The following NCR3LG1 variants were observed in gnomAD, a reference collection of about 807,000 sequenced individuals.
The protein encoded by NCR3LG1 is natural cytotoxicity triggering receptor 3 ligand 1.
NCR3LG1 carries 35 observed loss-of-function variants against 34.8 expected under a neutral mutation model. The ratio of observed to expected loss-of-function variants is 1.01; its 90% CI spans 0.77 to 1.33. NCR3LG1 has a LOEUF of 1.33. Among genes scored for constraint, NCR3LG1 ranks in the 40% most tolerant of loss-of-function variants. The pLI is 0.00. For synonymous variants in NCR3LG1, 173 were observed against 163.6 expected (o/e 1.06, Z -0.44); for missense variants, 452 against 423.3 (o/e 1.07, Z -0.60).
rs1186404645 is a variant in NCR3LG1, at chr11:17,376,337, A to G, written c.*3825A>G. The G allele has an allele frequency of 6.6e-6, 1 of 152,196 alleles. No individual in the cohort carries two copies. The highest frequency in any genetic ancestry group is 1.5e-5 in the Non-Finnish European group (1 of 68,014). The allele number at this position is 152,196 out of a possible 1,614,324, so 9.4% of individuals were successfully genotyped here. Reference sequence around the variant, plus strand: ...ACTTTGGGCTCCCTAAGTACTTCCAAAACAACAATGGTCCCTCATTTAAAG... The same window carrying G: ...ACTTTGGGCTCCCTAAGTACTTCCAGAACAACAATGGTCCCTCATTTAAAG... On this transcript the variant is annotated 3_prime_UTR_variant, in exon 5 of 5. Coordinates refer to ENST00000338965, the MANE Select transcript of NCR3LG1 (RefSeq NM_001202439.3).
At position 17,351,835 on chromosome 11, in the gene NCR3LG1, C is replaced by T; in HGVS notation, c.-135C>T. 5 of 711,448 alleles carry T rather than the reference C, an allele frequency of 7.0e-6. No individual in the cohort carries two copies. Among genetic ancestry groups the T allele is most frequent in the Non-Finnish European group, 1.2e-5 (5 of 423,550 alleles). The allele number at this position is 711,448 out of a possible 1,614,324, so 44.1% of individuals were successfully genotyped here. ...AAGGGATCTGAAGAAGTGGGATGTG[C>T]AAAAGCGCCGGCTGGAAATCCCGGC... On this transcript the variant is annotated 5_prime_UTR_variant, in exon 1 of 5. Coordinates refer to ENST00000338965, the MANE Select transcript of NCR3LG1 (RefSeq NM_001202439.3).
chr11:17,359,720 C>A (rs976394917), intron 2 of NCR3LG1, among the ~76,000 whole-genome samples: 2 of 151,894 alleles, frequency 1.3e-5, no homozygotes, highest in Admixed American at 6.6e-5. Flanking sequence ...CCATGTTGGC[C>A]AGGCTGGTCT....
intron 2 of NCR3LG1, among the ~76,000 whole-genome samples, chr11:17,358,063 A>G (rs1953230965): frequency 6.6e-6 from 1 of 152,164 alleles, no homozygotes; most frequent in Admixed American, 6.5e-5. Context: ...ATTTACAGAA[A>G]CATTGCAAAA....
rs1953137440 is a variant in NCR3LG1, at chr11:17,351,867, TCC to T, written c.-102_-101del. 1 of 903,352 alleles carries T rather than the reference TCC, an allele frequency of 1.1e-6. No individual in the cohort carries two copies. The highest frequency in any genetic ancestry group is 2.9e-5 in the East Asian group (1 of 34,848). The allele number at this position is 903,352 out of a possible 1,614,324, so 56.0% of individuals were successfully genotyped here. On this transcript the variant is annotated 5_prime_UTR_variant, in exon 1 of 5. Coordinates refer to ENST00000338965, the MANE Select transcript of NCR3LG1 (RefSeq NM_001202439.3). ...GCCGGCTGGAAATCCCGGCTGTGTC[TCC>T]GTCAACTCTTTACGCAACAGAGGTC...
rs1953424194 is a variant in NCR3LG1 at position 17,372,585 on chromosome 11, G to T, written c.*73G>T. ...ACAGGACCTTGGGCAAATAAGAGGG[G>T]ACCTGGGCAAGTTCTCTGATGACCT... On this transcript the variant is annotated 3_prime_UTR_variant, in exon 5 of 5. Coordinates refer to ENST00000338965, the MANE Select transcript of NCR3LG1 (RefSeq NM_001202439.3). The T allele has an allele frequency of 4.9e-6, 3 of 613,916 alleles. No homozygotes were observed. Among genetic ancestry groups the T allele is most frequent in the South Asian group, 1.9e-5 (1 of 51,684 alleles). The allele number at this position is 613,916 out of a possible 1,614,324, so 38.0% of individuals were successfully genotyped here. A position where few individuals can be genotyped will look rare whatever the true frequency, so the allele number is the denominator to read the frequency against.
chr11:17,369,280 T>G (rs1358113994), intron 4 of NCR3LG1, among the ~76,000 whole-genome samples: 2 of 152,248 alleles, frequency 1.3e-5, no homozygotes. Context: ...GACTTTAGTG[T>G]TCAGACCAGG....
chr11:17,355,583 G>C (rs1953195254), intron 1 of NCR3LG1, among the ~76,000 whole-genome samples: 1 of 152,126 alleles, frequency 6.6e-6, no homozygotes, highest in Non-Finnish European at 1.5e-5. Flanking sequence ...TCCTGTCTTA[G>C]TCTTGCCAGG....
chr11:17,372,742 G>A lies in NCR3LG1; in HGVS notation c.*230G>A, dbSNP rs371515947. 3.1e-5 allele frequency: 15 copies of A among 486,812 alleles called. No individual in the cohort carries two copies. The highest frequency in any genetic ancestry group is 2.5e-4 in the African/African-American group (13 of 52,228). The allele number at this position is 486,812 out of a possible 1,614,324, so 30.2% of individuals were successfully genotyped here. ...CCTGCAGGCAGCAGAAAAATTCAGA[G>A]ATGAACAACATGTCTTCTATAGCCA... On this transcript the variant is annotated 3_prime_UTR_variant, in exon 5 of 5. Transcript: ENST00000338965.
chr11:17,356,588 G>C, intron 1 of NCR3LG1, 63 bp from the exon 2 acceptor site: 1 of 1,216,846 alleles, frequency 8.2e-7, no homozygotes, highest in Non-Finnish European at 1.1e-6. Context: ...TCAGTCCATA[G>C]CACATCTCAA....
rs1446793629 is a variant in NCR3LG1 at position 17,375,677 on chromosome 11, T to G, written c.*3165T>G. ...TCCTCAGTGTTCCTCCCATGAGAATTAGTGGTCAGACATTGCAGAGGGCAT... is the reference window on the plus strand; with the variant it reads ...TCCTCAGTGTTCCTCCCATGAGAATGAGTGGTCAGACATTGCAGAGGGCAT... On this transcript the variant is annotated 3_prime_UTR_variant, in exon 5 of 5. Transcript: ENST00000338965. 1 of 152,118 alleles carries G rather than the reference T, an allele frequency of 6.6e-6. No individual in the cohort carries two copies. The highest frequency in any genetic ancestry group is 1.9e-4 in the East Asian group (1 of 5,198). The allele number at this position is 152,118 out of a possible 1,614,324, so 9.4% of individuals were successfully genotyped here. A position where few individuals can be genotyped will look rare whatever the true frequency, so the allele number is the denominator to read the frequency against.
intron 2 of NCR3LG1, among the ~76,000 whole-genome samples, chr11:17,359,919 ATTCG>A (rs1953251963): frequency 6.6e-6 from 1 of 151,376 alleles, no homozygotes; most frequent in Admixed American, 6.6e-5. Flanking sequence ...CTTACTTGCC[ATTCG>A]TATGTCTTCT....
In NCR3LG1 at chr11:17,367,258, C is replaced by T. The variant is rs1232572981; in HGVS notation, c.671C>T (p.Thr224Ile). Reference protein sequence around the residue: ...KLNSSQEDPGTVYQCVVRHAS... With the variant: ...KLNSSQEDPGIVYQCVVRHAS... Reference sequence around the variant, plus strand: ...AACTCCTCTCAGGAAGACCCTGGGACTGTCTACCAGTGTGTGGTACGGCAT... The same window carrying T: ...AACTCCTCTCAGGAAGACCCTGGGATTGTCTACCAGTGTGTGGTACGGCAT... Residue 224 changes from threonine (T) to isoleucine (I), a missense_variant, in exon 3 of 5, where the codon ACT (threonine) becomes ATT (isoleucine). Thr to Ile is a moderately conservative substitution (Grantham distance 89). Transcript: ENST00000338965. 1 of 1,536,246 alleles carries T rather than the reference C, an allele frequency of 6.5e-7. No individual in the cohort carries two copies. Among genetic ancestry groups the T allele is most frequent in the South Asian group, 1.2e-5 (1 of 84,062 alleles).
intron 2 of NCR3LG1, among the ~76,000 whole-genome samples, chr11:17,365,857 G>A (rs928995841): frequency 6.6e-6 from 1 of 152,170 alleles, no homozygotes; most frequent in South Asian, 2.1e-4. Context: ...GCAGTTTGTC[G>A]GAGTTACTGC....
downstream of NCR3LG1, among the ~76,000 whole-genome samples, chr11:17,378,741 G>A (rs10766392): frequency 4.6e-5 from 7 of 152,056 alleles, no homozygotes; most frequent in Admixed American, 2.6e-4. Context: ...GTGGGTCCTC[G>A]GTAAAATTCT....
chr11:17,352,752 T>G (rs549013767), intron 1 of NCR3LG1, among the ~76,000 whole-genome samples: 1 of 152,026 alleles, frequency 6.6e-6, no homozygotes, highest in South Asian at 2.1e-4. Context: ...AGGTCTTTAC[T>G]GAGAGAGGGA....
downstream of NCR3LG1, among the ~76,000 whole-genome samples, chr11:17,378,418 G>A (rs911746471): frequency 4.6e-5 from 7 of 152,066 alleles, no homozygotes; most frequent in East Asian, 1.9e-4. Context: ...CCTTTTGCTC[G>A]TGTGTTTTGT....
intron 2 of NCR3LG1, among the ~76,000 whole-genome samples, chr11:17,362,718 TTCTTTCTTTC>T (rs1953288282): frequency 2.2e-5 from 2 of 92,964 alleles, no homozygotes; most frequent in African/African-American, 6.3e-5. Context: ...CTTTCTTTCT[TTCTTTCTTTC>T]TTTCTTTCTT....
intron 3 of NCR3LG1, among the ~76,000 whole-genome samples, chr11:17,368,113 C>T (rs911753467): frequency 5.9e-5 from 9 of 152,042 alleles, no homozygotes; most frequent in African/African-American, 9.7e-5. Context: ...CCACAGCACC[C>T]GGCCAGTAGT....
At chr11:17,380,243 C>T (rs1371630778), downstream of NCR3LG1, among the ~76,000 whole-genome samples, 2 of 152,204 alleles carry the variant, frequency 1.3e-5, no homozygotes, top group Non-Finnish European at 2.9e-5. Context: ...TTTGCATGTT[C>T]TGCATGGGTT....
Sources: gnomAD v4.1 joint callset for allele counts (sites outside exome capture counted in the v4.1 genomes callset) on GRCh38, gnomAD v4.1.1 for gene constraint, MANE v1.5 for transcripts, NCBI Gene and HGNC (gene_info 2026-07-23, HGNC 2026-07-21) for gene names.